SHB: variants seen among roughly 807,000 people sequenced by gnomAD.
SHB encodes SH2 domain-containing adapter protein B.
Under a neutral mutation model 52.3 loss-of-function variants are expected in SHB, and 20 were observed. The observed-to-expected ratio is 0.38, with a 90% confidence interval of 0.27 to 0.56. The LOEUF is 0.56. SHB is among the 20% of genes least tolerant of loss of function. The pLI is 0.71. For synonymous variants in SHB, 397 were observed against 316.5 expected (o/e 1.25, Z -2.70); for missense variants, 825 against 723.3 (o/e 1.14, Z -1.61).
intron 1 of SHB, among the ~76,000 whole-genome samples, chr9:38,048,358 T>C (rs550308606): frequency 3.3e-5 from 5 of 152,336 alleles, no homozygotes; most frequent in African/African-American, 9.6e-5. Flanking sequence ...AAGTATTACT[T>C]CTGGCCAGTT....
chr9:37,934,715 C>A (rs1402566547), intron 5 of SHB, among the ~76,000 whole-genome samples: 1 of 152,194 alleles, frequency 6.6e-6, no homozygotes, highest in Non-Finnish European at 1.5e-5. Context: ...TTCTGGGGGG[C>A]AAATCCTCTC....
chr9:38,067,665 T>C (rs1001730229), intron 1 of SHB, among the ~76,000 whole-genome samples: 5 of 152,138 alleles, frequency 3.3e-5, no homozygotes, highest in Admixed American at 6.6e-5. Flanking sequence ...ACTGGGTCCG[T>C]CTTCCTGGGG....
chr9:38,005,238 C>T (rs189360616), intron 2 of SHB, among the ~76,000 whole-genome samples: 354 of 152,328 alleles, frequency 2.3e-3, no homozygotes, highest in Non-Finnish European at 4.2e-3. Flanking sequence ...GCCCCTCTTT[C>T]GGTGCTTTAA....
At chr9:38,021,422 G>A (rs766147187) in intron 1 of SHB, among the ~76,000 whole-genome samples, 1 of 152,152 alleles carries the variant, frequency 6.6e-6, no homozygotes, top group Non-Finnish European at 1.5e-5. Context: ...TTGGGAGGCC[G>A]AGGTGGGCAG....
chr9:38,042,984 TGAGCTCC>T (rs971423990), intron 1 of SHB, among the ~76,000 whole-genome samples: 5 of 152,160 alleles, frequency 3.3e-5, no homozygotes, highest in South Asian at 2.1e-4. Flanking sequence ...GTTCCCACTC[TGAGCTCC>T]AGTCCTCTAC....
At chr9:37,938,748 G>C (rs1453814628) in intron 5 of SHB, among the ~76,000 whole-genome samples, 1 of 152,254 alleles carries the variant, frequency 6.6e-6, no homozygotes, top group African/African-American at 2.4e-5. Context: ...GCTCAGACGG[G>C]AGACGCAGCA....
chr9:38,006,778 A>T (rs760257498), intron 2 of SHB, among the ~76,000 whole-genome samples: 1 of 152,078 alleles, frequency 6.6e-6, no homozygotes, highest in African/African-American at 2.4e-5. Flanking sequence ...ACCAATGGCA[A>T]CCCTCAGGGC....
intron 5 of SHB, among the ~76,000 whole-genome samples, chr9:37,922,758 C>T (rs575256580): frequency 6.6e-6 from 1 of 152,330 alleles, no homozygotes; most frequent in African/African-American, 2.4e-5. Context: ...TCAAGCACTG[C>T]ACCCCGTGGG....
chr9:37,949,478 G>C (rs1431586918), intron 4 of SHB, among the ~76,000 whole-genome samples: 2 of 152,012 alleles, frequency 1.3e-5, no homozygotes, highest in Non-Finnish European at 2.9e-5. Context: ...GTGCAGACCT[G>C]CAGGAGGCAA....
At chr9:38,027,080 G>C (rs1821351444) in intron 1 of SHB, among the ~76,000 whole-genome samples, 1 of 152,208 alleles carries the variant, frequency 6.6e-6, no homozygotes, top group Non-Finnish European at 1.5e-5. Context: ...GTGTAGGCCT[G>C]TCTGCTTCCG....
intron 3 of SHB, among the ~76,000 whole-genome samples, chr9:37,974,297 T>C (rs890782410): frequency 2.6e-5 from 4 of 152,072 alleles, no homozygotes; most frequent in African/African-American, 7.2e-5. Context: ...AACTGAACTC[T>C]TGGCTTCAGT....
chr9:37,979,526 T>C (rs1000104224), intron 2 of SHB, among the ~76,000 whole-genome samples: 3 of 151,348 alleles, frequency 2.0e-5, no homozygotes, highest in African/African-American at 7.3e-5. Flanking sequence ...CAGGCAGTAA[T>C]CCTGAGAGGA....
At chr9:38,065,449 C>A (rs776932494) in intron 1 of SHB, among the ~76,000 whole-genome samples, 6 of 152,164 alleles carry the variant, frequency 3.9e-5, no homozygotes, top group Non-Finnish European at 8.8e-5. Context: ...CATTTCCCCT[C>A]AACCTGGGAA....
At chr9:37,951,549 G>C (rs1038742135) in intron 4 of SHB, among the ~76,000 whole-genome samples, 7 of 152,182 alleles carry the variant, frequency 4.6e-5, no homozygotes, top group African/African-American at 1.7e-4. Flanking sequence ...CATTTTACTA[G>C]GAAAACAAGT....
At chr9:37,969,204 T>C (rs1820565552) in intron 3 of SHB, among the ~76,000 whole-genome samples, 1 of 152,182 alleles carries the variant, frequency 6.6e-6, no homozygotes, top group South Asian at 2.1e-4. Context: ...CTGCAGCATC[T>C]TGGATAGCAC....
chr9:37,992,266 T>C (rs776859506), intron 2 of SHB, among the ~76,000 whole-genome samples: 2 of 150,954 alleles, frequency 1.3e-5, no homozygotes, highest in Non-Finnish European at 3.0e-5. Flanking sequence ...CCAGGTGTGG[T>C]GGTGGTCGCC....
At chr9:37,945,135 G>A (rs1019043367) in intron 5 of SHB, among the ~76,000 whole-genome samples, 3 of 152,194 alleles carry the variant, frequency 2.0e-5, no homozygotes, top group Non-Finnish European at 4.4e-5. Flanking sequence ...CCTCAGGGCA[G>A]GACAAACTCA....
At chr9:38,026,462 G>A (rs1258066613) in intron 1 of SHB, among the ~76,000 whole-genome samples, 1 of 152,358 alleles carries the variant, frequency 6.6e-6, no homozygotes, top group Non-Finnish European at 1.5e-5. Flanking sequence ...ATTTCCCACA[G>A]GGGAGCTAAA....
At position 37,917,173 on chromosome 9, in the gene SHB, G is replaced by C. The variant is rs764009399; in HGVS notation, c.*2648C>G. Among the ~76,000 whole-genome samples the C allele has an allele frequency of 1.3e-5, 2 of 152,152 alleles. No individual in the cohort carries two copies. Among genetic ancestry groups the C allele is most frequent in the Non-Finnish European group, 2.9e-5 (2 of 68,024 alleles). ...ATGAATACAGGCTGACACAGGAAAC[G>C]GTCACAATTAGAGGAAGAAGAGGGA... is the stretch of plus-strand genomic sequence containing the variant. On this transcript the variant is annotated 3_prime_UTR_variant, in exon 6 of 6. Coordinates refer to ENST00000377707, the MANE Select transcript of SHB (RefSeq NM_003028.3).
Sources: gnomAD v4.1 joint callset for allele counts (sites outside exome capture counted in the v4.1 genomes callset) on GRCh38, gnomAD v4.1.1 for gene constraint, MANE v1.5 for transcripts, NCBI Gene and HGNC (gene_info 2026-07-23, HGNC 2026-07-21) for gene names.